Variants in RBFOX2 observed in about 807,000 individuals in gnomAD.
The protein encoded by RBFOX2 is RNA binding protein fox-1 homolog 2.
RBFOX2 carries 10 observed loss-of-function variants against 49.1 expected under a neutral mutation model. That is an observed-to-expected ratio of 0.20 (90% CI 0.13 to 0.35). The LOEUF (loss-of-function observed/expected upper bound fraction) is 0.35. RBFOX2 is among the 10% of genes least tolerant of loss of function. The pLI is 1.00. For synonymous variants in RBFOX2, 183 were observed against 187.4 expected (o/e 0.98, Z 0.19); for missense variants, 323 against 486.9 (o/e 0.66, Z 3.17).
intron 2 of RBFOX2, among the ~76,000 whole-genome samples, chr22:35,790,290 G>A (rs536769169): frequency 2.3e-4 from 35 of 152,308 alleles, no homozygotes; most frequent in Middle Eastern, 6.8e-3. Flanking sequence ...AAGGGCCTAC[G>A]TTATAGTCAT....
At chr22:35,812,887 C>T (rs1297205448) in intron 1 of RBFOX2, among the ~76,000 whole-genome samples, 1 of 152,148 alleles carries the variant, frequency 6.6e-6, no homozygotes, top group African/African-American at 2.4e-5. Flanking sequence ...CAGCGTTATT[C>T]TCAACAGGGC....
chr22:35,822,404 T>A (rs1954718447), intron 1 of RBFOX2, among the ~76,000 whole-genome samples: 1 of 152,226 alleles, frequency 6.6e-6, no homozygotes, highest in Non-Finnish European at 1.5e-5. Context: ...TCTCTTCTGT[T>A]TCCTGCATTA....
chr22:35,915,967 T>C (rs2050363415), intron 1 of RBFOX2, among the ~76,000 whole-genome samples: 1 of 152,224 alleles, frequency 6.6e-6, no homozygotes, highest in Non-Finnish European at 1.5e-5. Flanking sequence ...TCTTTGTCTC[T>C]ATTCTTTAAT....
At chr22:35,840,661 G>C, upstream of RBFOX2, 2 of 988,422 alleles carry the variant, frequency 2.0e-6, no homozygotes, top group African/African-American at 2.1e-5. Flanking sequence ...TGTGTGTAGG[G>C]GGGAGGAGGT....
chr22:35,913,251 G>A (rs2050024176), intron 1 of RBFOX2, among the ~76,000 whole-genome samples: 2 of 152,070 alleles, frequency 1.3e-5, no homozygotes, highest in South Asian at 4.2e-4. Flanking sequence ...AGGAGGAAAG[G>A]AAGATTGCTT....
intron 3 of RBFOX2, among the ~76,000 whole-genome samples, chr22:35,779,469 C>T (rs1944646803): frequency 6.6e-6 from 1 of 152,138 alleles, no homozygotes; most frequent in South Asian, 2.1e-4. Context: ...AAGTTTTCTA[C>T]AGTAAGACAT....
chr22:36,028,799 C>T (rs1294996304), exon 1 of RBFOX2, among the ~76,000 whole-genome samples: 3 of 151,956 alleles, frequency 2.0e-5, no homozygotes, highest in Non-Finnish European at 2.9e-5. Context: ...CACAGCACGC[C>T]GGCCGAGGGA....
chr22:35,893,504 C>G (rs1287626781), intron 1 of RBFOX2, among the ~76,000 whole-genome samples: 2 of 152,194 alleles, frequency 1.3e-5, no homozygotes, highest in South Asian at 4.1e-4. Context: ...TTCAGGTCAA[C>G]AGGGCTGATC....
chr22:35,814,710 C>CAAAAAAAAAAAAAAAAAA (rs55971445), intron 1 of RBFOX2, among the ~76,000 whole-genome samples: 5 of 31,014 alleles, frequency 1.6e-4, no homozygotes, highest in African/African-American at 4.6e-4. Context: ...AACCCTGTCT[C>CAAAAAAAAAAAAAAAAAA]AAAAAAAAAA....
rs556416437 is a variant in RBFOX2 at position 35,935,261 on chromosome 22, C to T, written c.-34+3586G>A. Among the ~76,000 whole-genome samples, 274 of 152,254 alleles carry T rather than the reference C, an allele frequency of 1.8e-3. 1 individual carries two copies. The highest frequency in any genetic ancestry group is 6.0e-3 in the African/African-American group (248 of 41,558). On this transcript the variant is annotated intron_variant, in intron 1 of 13. Coordinates refer to the RBFOX2 transcript ENST00000359369. ...CTGCATGGCCTTAGATAAAATTTCT[C>T]ACTTTTCTGAACTAGTTTTCACTTA...
chr22:35,842,588 T>C (rs1019442635), upstream of RBFOX2, among the ~76,000 whole-genome samples: 3 of 152,184 alleles, frequency 2.0e-5, no homozygotes, highest in African/African-American at 2.4e-5. Flanking sequence ...GTTCTAATAA[T>C]TGAAATAAAC....
At chr22:35,877,489 T>G (rs999739392) in intron 1 of RBFOX2, among the ~76,000 whole-genome samples, 16 of 151,954 alleles carry the variant, frequency 1.1e-4, no homozygotes, top group African/African-American at 3.9e-4. Flanking sequence ...CACTCAGGAG[T>G]ACAACAGACT....
At chr22:35,882,651 T>C (rs145333550) in intron 1 of RBFOX2, among the ~76,000 whole-genome samples, 2 of 152,126 alleles carry the variant, frequency 1.3e-5, no homozygotes, top group Admixed American at 1.3e-4. Context: ...CTAGCAGAGA[T>C]AGGACCTAGT....
intron 1 of RBFOX2, among the ~76,000 whole-genome samples, chr22:36,024,677 G>T (rs2059365693): frequency 6.6e-6 from 1 of 151,494 alleles, no homozygotes; most frequent in Non-Finnish European, 1.5e-5. Context: ...GGAGGCAGAG[G>T]TTGCAGTGAG....
At chr22:35,881,926 T>C (rs1399900905) in intron 1 of RBFOX2, among the ~76,000 whole-genome samples, 1 of 141,796 alleles carries the variant, frequency 7.1e-6, no homozygotes, top group African/African-American at 2.7e-5. Flanking sequence ...GCCACTGCAC[T>C]CCAGCCTGGA....
chr22:35,865,039 C>G (rs1347426311), intron 1 of RBFOX2, among the ~76,000 whole-genome samples: 4 of 152,200 alleles, frequency 2.6e-5, no homozygotes, highest in African/African-American at 9.7e-5. Context: ...CAGAAGTATT[C>G]ATGGGTCTTT....
chr22:35,967,686 A>C (rs2056642687), intron 1 of RBFOX2, among the ~76,000 whole-genome samples: 1 of 152,200 alleles, frequency 6.6e-6, no homozygotes, highest in Non-Finnish European at 1.5e-5. Flanking sequence ...ATTGGAGCCC[A>C]AAAATAATAA....
intron 1 of RBFOX2, among the ~76,000 whole-genome samples, chr22:35,915,751 C>T (rs1280711780): frequency 6.6e-6 from 1 of 152,188 alleles, no homozygotes; most frequent in Non-Finnish European, 1.5e-5. Context: ...CTTAATACGG[C>T]ACCAGAAACG....
intron 1 of RBFOX2, among the ~76,000 whole-genome samples, chr22:35,984,267 A>G (rs1186002486): frequency 6.6e-6 from 1 of 152,182 alleles, no homozygotes; most frequent in Non-Finnish European, 1.5e-5. Flanking sequence ...GGTATGGCCT[A>G]AGCACTGAAA....
Sources: gnomAD v4.1 joint callset for allele counts (sites outside exome capture counted in the v4.1 genomes callset) on GRCh38, gnomAD v4.1.1 for gene constraint, MANE v1.5 for transcripts, NCBI Gene and HGNC (gene_info 2026-07-23, HGNC 2026-07-21) for gene names.